The following EGFLAM variants were observed in gnomAD, a reference collection of about 807,000 sequenced individuals.
EGFLAM encodes EGF like, fibronectin type III and laminin G domains.
Under a neutral mutation model 113.1 loss-of-function variants are expected in EGFLAM, and 79 were observed. The ratio of observed to expected loss-of-function variants is 0.70; its 90% CI spans 0.58 to 0.84. EGFLAM has a LOEUF of 0.84. Among genes scored for constraint, EGFLAM ranks in the 40% least tolerant of loss-of-function variants. The probability of loss-of-function intolerance (pLI) is 0.00; values close to 1 mark genes in which losing one functional copy is unlikely to be tolerated. For synonymous variants in EGFLAM, 504 were observed against 487.6 expected, an observed-to-expected ratio of 1.03 and a Z score of -0.44; for missense variants, 1,265 against 1,291.6, an observed-to-expected ratio of 0.98 and a Z score of 0.32.
At position 38,465,018 on chromosome 5, in the gene EGFLAM, C is replaced by T. The variant is rs981448751; in HGVS notation, c.*1032C>T. The T allele has an allele frequency of 6.6e-6, 1 of 152,178 alleles. No homozygotes were observed. The highest frequency in any genetic ancestry group is 1.5e-5 in the Non-Finnish European group (1 of 68,042). The allele number at this position is 152,178 out of a possible 1,614,324, so 9.4% of individuals were successfully genotyped here. A position where few individuals can be genotyped will look rare whatever the true frequency, so the allele number is the denominator to read the frequency against. ...TTGAATAAAGGGGACAAAGCTAGAACTTATTCATTCATTCATTCACTTATG... is the reference window on the plus strand; with the variant it reads ...TTGAATAAAGGGGACAAAGCTAGAATTTATTCATTCATTCATTCACTTATG... On this transcript the variant is annotated 3_prime_UTR_variant, in exon 22 of 22. Transcript: ENST00000322350.
rs760695444 is a variant in EGFLAM at position 38,418,120 on chromosome 5, A to T, written c.1549A>T (p.Ser517Cys). 6.2e-7 allele frequency: 1 copy of T among 1,614,208 alleles called. No individual in the cohort carries two copies. The highest frequency in any genetic ancestry group is 8.5e-7 in the Non-Finnish European group (1 of 1,180,024). The change falls in exon 12 of 22, where the codon AGC (serine) becomes TGC (cysteine). Residue 517 changes from serine (S) to cysteine (C), a missense_variant. Physicochemically the swap from Ser to Cys is moderately radical, Grantham distance 112. Transcript: ENST00000322350. ...ACCTCTCTATCTTGGTGGCGCTCCC[A>T]GCGCTTACTGGTTGGTTAGAGCAAC... ...RTPLYLGGAP[S>C]AYWLVRATGT... is the part of the protein sequence containing the mutation.
intron 17 of EGFLAM, among the ~76,000 whole-genome samples, chr5:38,444,189 A>C (rs1742635835): frequency 6.6e-6 from 1 of 152,166 alleles, no homozygotes; most frequent in African/African-American, 2.4e-5. Context: ...TGTGTGTGTC[A>C]CCATATGGCA....
At chr5:38,375,489 T>C (rs1294751532) in intron 6 of EGFLAM, among the ~76,000 whole-genome samples, 12 of 152,160 alleles carry the variant, frequency 7.9e-5, no homozygotes, top group Admixed American at 7.9e-4. Context: ...AGTGGGAACC[T>C]TGAGATCCCA....
At chr5:38,417,362 A>C (rs922825608) in intron 11 of EGFLAM, among the ~76,000 whole-genome samples, 55 of 147,192 alleles carry the variant, frequency 3.7e-4, no homozygotes, top group South Asian at 1.1e-3. Flanking sequence ...AAAAAAAAAA[A>C]AAAAAAACAA....
At chr5:38,284,124 A>C (rs2111765480) in intron 1 of EGFLAM, 1 of 152,334 alleles carries the variant, frequency 6.6e-6, no homozygotes, top group Admixed American at 6.5e-5. Context: ...GATAGAGGAG[A>C]AATTTGTGTC....
chr5:38,410,705 A>T (rs992352577), intron 10 of EGFLAM, among the ~76,000 whole-genome samples: 1 of 152,140 alleles, frequency 6.6e-6, no homozygotes, highest in Non-Finnish European at 1.5e-5. Context: ...GATAAAAACA[A>T]GAATAATGCA....
At chr5:38,356,495 A>G (rs1409154823) in intron 5 of EGFLAM, among the ~76,000 whole-genome samples, 1 of 152,204 alleles carries the variant, frequency 6.6e-6, no homozygotes, top group Admixed American at 6.5e-5. Flanking sequence ...TTACTTTGCC[A>G]AGATAAAATG....
intron 6 of EGFLAM, among the ~76,000 whole-genome samples, chr5:38,388,370 A>G (rs1740718227): frequency 6.6e-6 from 1 of 152,144 alleles, no homozygotes; most frequent in Non-Finnish European, 1.5e-5. Flanking sequence ...CTGCAATCCC[A>G]GCATGCTGGG....
intron 4 of EGFLAM, 96 bp downstream of exon 4, chr5:38,350,714 C>T: frequency 8.7e-7 from 1 of 1,151,178 alleles, no homozygotes; most frequent in Non-Finnish European, 1.2e-6. Flanking sequence ...GTGCCAAGCA[C>T]TGTGCTAGGC....
At chr5:38,415,362 CAA>C (rs201173192) in intron 11 of EGFLAM, among the ~76,000 whole-genome samples, 21,997 of 129,552 alleles carry the variant, frequency 0.17, 1,696 homozygotes, top group Middle Eastern at 0.28. Context: ...GACTCCATCT[CAA>C]AAAAAAAAAA....
chr5:38,451,616 C>A lies in EGFLAM; in HGVS notation c.2687+158C>A. ...TATTGGAAGCTCCTGGTCTTTCTTT[C>A]CAACATTCATCTTATAGAGCAGCAG... On this transcript the variant is annotated intron_variant, in intron 19 of 21. Coordinates refer to ENST00000322350, the MANE Select transcript of EGFLAM (RefSeq NM_152403.4). The A allele has an allele frequency of 1.8e-6, 2 of 1,093,568 alleles. 1 individual carries two copies. Among genetic ancestry groups the A allele is most frequent in the South Asian group, 3.4e-5 (2 of 58,534 alleles). 67.7% of individuals were successfully genotyped at this position (1,093,568 alleles called of 1,614,324 possible). A position where few individuals can be genotyped will look rare whatever the true frequency, so the allele number is the denominator to read the frequency against.
intron 3 of EGFLAM, among the ~76,000 whole-genome samples, chr5:38,343,543 A>T (rs764310523): frequency 6.6e-6 from 1 of 152,176 alleles, no homozygotes; most frequent in Non-Finnish European, 1.5e-5. Context: ...ACAGATCCAC[A>T]TAAGGAAGAT....
At chr5:38,314,534 A>G (rs1351319621) in intron 1 of EGFLAM, among the ~76,000 whole-genome samples, 2 of 152,184 alleles carry the variant, frequency 1.3e-5, no homozygotes, top group Admixed American at 6.5e-5. Flanking sequence ...AGTGATTGCT[A>G]TGTTGAAAAG....
At position 38,364,952 on chromosome 5, in the gene EGFLAM, G is replaced by A. The variant is rs1000486342; in HGVS notation, c.546-5344G>A. On this transcript the variant is annotated intron_variant, in intron 5 of 21. Coordinates refer to ENST00000322350, the MANE Select transcript of EGFLAM (RefSeq NM_152403.4). ...GGTAGGTTTGATGTGGAAAGAAGGA[G>A]GCCACAGGTGTCTGTCTGTGCTGTA... is the stretch of plus-strand genomic sequence containing the variant. Among the ~76,000 whole-genome samples, 7 of 152,140 alleles carry A rather than the reference G, an allele frequency of 4.6e-5. 1 individual carries two copies. Among genetic ancestry groups the A allele is most frequent in the Non-Finnish European group, 7.3e-5 (5 of 68,028 alleles).
At position 38,378,216 on chromosome 5, in the gene EGFLAM, C is replaced by T. The variant is rs148467680; in HGVS notation, c.712+7754C>T. The stretch of plus-strand genomic sequence containing the variant: ...CATCTCACCCCTCTTTTCTTCTCTA[C>T]ACCTTCCTGCTTGCTTAGTACAGCT... On this transcript the variant is annotated intron_variant, in intron 6 of 21. Transcript: ENST00000322350. Among the ~76,000 whole-genome samples the T allele has an allele frequency of 6.2e-3, 944 of 152,242 alleles. 4 individuals are homozygous for T. The highest frequency in any genetic ancestry group is 9.9e-3 in the Non-Finnish European group (674 of 68,020).
At chr5:38,318,706 T>C (rs1738664988) in intron 1 of EGFLAM, among the ~76,000 whole-genome samples, 2 of 152,042 alleles carry the variant, frequency 1.3e-5, no homozygotes, top group Admixed American at 1.3e-4. Context: ...CATTTCACCA[T>C]ATTGGCCAGG....
chr5:38,420,839 C>T (rs1056300002), intron 12 of EGFLAM, among the ~76,000 whole-genome samples: 1 of 152,158 alleles, frequency 6.6e-6, no homozygotes, highest in East Asian at 1.9e-4. Flanking sequence ...CAGCAGGTGG[C>T]ACCAAAAGGA....
intron 5 of EGFLAM, among the ~76,000 whole-genome samples, chr5:38,361,504 G>A (rs1739921552): frequency 6.6e-6 from 1 of 152,202 alleles, no homozygotes; most frequent in Non-Finnish European, 1.5e-5. Context: ...GACACAGGCA[G>A]TCATGGGATT....
intron 3 of EGFLAM, among the ~76,000 whole-genome samples, chr5:38,339,489 C>T (rs568310772): frequency 3.9e-5 from 6 of 152,212 alleles, no homozygotes; most frequent in South Asian, 4.1e-4. Context: ...CTGTTTGATC[C>T]GTGCCTTCTG....
Sources: gnomAD v4.1 joint callset for allele counts (sites outside exome capture counted in the v4.1 genomes callset) on GRCh38, gnomAD v4.1.1 for gene constraint, MANE v1.5 for transcripts, NCBI Gene and HGNC (gene_info 2026-07-23, HGNC 2026-07-21) for gene names.